Variants in DZIP1 observed in about 807,000 individuals in gnomAD.
DZIP1 encodes the protein DAZ interacting zinc finger protein 1, also known as cilium assembly protein DZIP1.
A neutral mutation model predicts 107.6 loss-of-function variants in DZIP1; 97 were observed. The ratio of observed to expected loss-of-function variants is 0.90; its 90% CI spans 0.77 to 1.07. The LOEUF (loss-of-function observed/expected upper bound fraction) is 1.07, where lower values mean the gene tolerates loss of function less well. DZIP1 is among the 50% of genes least tolerant of loss of function. DZIP1 has a pLI of 0.00. For synonymous variants in DZIP1, 390 were observed against 386.4 expected (o/e 1.01, Z -0.11); for missense variants, 1,035 against 1,063.6 (o/e 0.97, Z 0.37).
Position 95,641,778 on chromosome 13 carries a change from C to CGCGGCG in DZIP1, c.108_113dup (p.Ala37_Ala38dup). 1 of 1,539,098 alleles carries CGCGGCG rather than the reference C, an allele frequency of 6.5e-7. No individual in the cohort carries two copies. The highest frequency in any genetic ancestry group is 8.7e-7 in the Non-Finnish European group (1 of 1,154,894). Reference sequence around the variant, plus strand: ...GCGCACAGGCCATGGAGGCCGCACCCGCGGCGGCGGCGGCCACAGCGACGT... The same window carrying CGCGGCG: ...GCGCACAGGCCATGGAGGCCGCACCCGCGGCGGCGGCGGCGGCGGCCACAGCGACGT... On this transcript the variant is annotated inframe_insertion, in exon 5 of 23. Transcript: ENST00000376829. The surrounding 1 kb of genome is among the most constrained non-coding windows in gnomAD (Gnocchi z 4.3).
intron 16 of DZIP1, 91 bp downstream of exon 16, chr13:95,593,853 T>C: frequency 1.4e-6 from 2 of 1,454,418 alleles, no homozygotes; most frequent in South Asian, 2.9e-5. Context: ...TGGACAGAAT[T>C]GATGTGCTTT....
intron 15 of DZIP1, 61 bp from the exon 16 acceptor site, chr13:95,594,147 T>G: frequency 7.1e-7 from 1 of 1,400,986 alleles, no homozygotes; most frequent in Non-Finnish European, 9.7e-7. Context: ...CAAAAATCTC[T>G]AAGCAGAAAA....
chr13:95,605,979 G>A (rs201781521), intron 14 of DZIP1, 24 bp downstream of exon 14: 21 of 1,612,624 alleles, frequency 1.3e-5, no homozygotes, highest in Admixed American at 3.3e-5. Flanking sequence ...CACATAAAAC[G>A]CTGAGACTAT....
At chr13:95,599,339 G>A (rs993362980) in intron 15 of DZIP1, 26 bp downstream of exon 15, 2 of 1,605,110 alleles carry the variant, frequency 1.2e-6, no homozygotes, top group Non-Finnish European at 1.7e-6. Flanking sequence ...ATCTGTGCAG[G>A]TAAACCTGAT....
At chr13:95,634,170 T>C (rs1877527692) in intron 5 of DZIP1, among the ~76,000 whole-genome samples, 1 of 152,196 alleles carries the variant, frequency 6.6e-6, no homozygotes, top group Non-Finnish European at 1.5e-5. Flanking sequence ...TTTGCATTCA[T>C]TGTTGCCCCT....
At chr13:95,607,051 TA>T (rs1555308044) in intron 13 of DZIP1, among the ~76,000 whole-genome samples, 7 of 151,486 alleles carry the variant, frequency 4.6e-5, no homozygotes, top group African/African-American at 9.7e-5. Context: ...TTTTTTATTT[TA>T]TTTTTTTTTA....
intron 15 of DZIP1, among the ~76,000 whole-genome samples, chr13:95,597,230 C>T (rs2044480880): frequency 6.6e-6 from 1 of 152,178 alleles, no homozygotes; most frequent in Admixed American, 6.5e-5. Context: ...GGTGGACAAT[C>T]ATGATTCCTA....
chr13:95,584,492 A>C lies in DZIP1; in HGVS notation c.2524+244T>G, dbSNP rs1015852999. On this transcript the variant is annotated intron_variant, in intron 22 of 22. Transcript: ENST00000376829. ...CACCGTTTCAAAAACAAAAAATAAA[A>C]ATAAAAATAAATTAAAAATTTAAAG... 2.6e-5 allele frequency: 19 copies of C among 740,674 alleles called. No homozygotes were observed. The African/African-American group carries it at 3.4e-4, about 13-fold the overall frequency. The allele number at this position is 740,674 out of a possible 1,614,324, so 45.9% of individuals were successfully genotyped here. A position where few individuals can be genotyped will look rare whatever the true frequency, so the allele number is the denominator to read the frequency against.
rs1184983591 is a variant in DZIP1 at position 95,580,997 on chromosome 13, C to T, written c.*1237G>A. ...GGAAACAGATAAAGATTTGTTCTAA[C>T]CATTAGGACAGAATGTCATATGGCA... On this transcript the variant is annotated 3_prime_UTR_variant, in exon 23 of 23. Coordinates refer to ENST00000376829, the MANE Select transcript of DZIP1 (RefSeq NM_198968.4). 6.6e-6 allele frequency: 1 copy of T among 152,172 alleles called. No individual in the cohort carries two copies. The highest frequency in any genetic ancestry group is 1.5e-5 in the Non-Finnish European group (1 of 68,026). The allele number at this position is 152,172 out of a possible 1,614,324, so 9.4% of individuals were successfully genotyped here. A position where few individuals can be genotyped will look rare whatever the true frequency, so the allele number is the denominator to read the frequency against.
rs1412530720 is a variant in DZIP1, at chr13:95,590,305, A to G, written c.1817T>C (p.Ile606Thr). Residue 606 changes from isoleucine (I) to threonine (T), a missense_variant, in exon 17 of 23, where the codon ATT (isoleucine) becomes ACT (threonine). Physicochemically the swap from Ile to Thr is moderately conservative, Grantham distance 89. Transcript: ENST00000376829. ...TGAAGAGAGTAGTGCTTTCTCCTCA[A>G]TTTTACAGCTGACTTGATGTTCAAG... ...EFLEHQVSCK[I>T]EEKALLSSDQ... is the part of the protein sequence containing the mutation. 5.6e-6 allele frequency: 9 copies of G among 1,613,438 alleles called. No homozygotes were observed. The highest frequency in any genetic ancestry group is 7.6e-6 in the Non-Finnish European group (9 of 1,179,792).
chr13:95,611,730 C>CA (rs1359044610), intron 11 of DZIP1, among the ~76,000 whole-genome samples: 2 of 152,110 alleles, frequency 1.3e-5, no homozygotes, highest in Admixed American at 6.5e-5. Context: ...AATAAAATAA[C>CA]AAAAAATCTT....
intron 15 of DZIP1, 39 bp downstream of exon 15, chr13:95,599,326 A>T (rs2044546988): frequency 6.4e-7 from 1 of 1,571,232 alleles, no homozygotes; most frequent in Admixed American, 1.7e-5. Context: ...GCATATAAAT[A>T]TAATCTGTGC....
chr13:95,616,468 G>C (rs1875084653), intron 10 of DZIP1, among the ~76,000 whole-genome samples: 1 of 152,244 alleles, frequency 6.6e-6, no homozygotes, highest in African/African-American at 2.4e-5. Context: ...ATGCTGGGCA[G>C]ACAATGGAGA....
At position 95,632,903 on chromosome 13, in the gene DZIP1, G is replaced by A. The variant is rs138348660; in HGVS notation, c.685+331C>T. The stretch of plus-strand genomic sequence containing the variant: ...GTCACTCTCTACCCCATTGTCCTGC[G>A]CTATGATCTTCATCGCATTTGCCAC... On this transcript the variant is annotated intron_variant, in intron 6 of 22. Transcript: ENST00000376829. 1.7e-3 allele frequency among the ~76,000 whole-genome samples: 259 copies of A among 152,222 alleles called. 1 individual carries two copies. Among genetic ancestry groups the A allele is most frequent in the African/African-American group, 6.0e-3 (251 of 41,534 alleles).
chr13:95,600,884 T>G (rs138758853), intron 14 of DZIP1, among the ~76,000 whole-genome samples: 1,554 of 152,282 alleles, frequency 0.01, 28 homozygotes, highest in African/African-American at 0.035. Context: ...CTTTTCAAAT[T>G]TGTTATAGAG....
chr13:95,631,474 A>C (rs951194709), intron 6 of DZIP1, among the ~76,000 whole-genome samples: 2 of 152,030 alleles, frequency 1.3e-5, no homozygotes, highest in African/African-American at 4.8e-5. Flanking sequence ...CTCAAAAAAA[A>C]AAACAAAAAA....
intron 16 of DZIP1, among the ~76,000 whole-genome samples, chr13:95,593,157 C>T (rs1481942294): frequency 6.6e-6 from 1 of 152,174 alleles, no homozygotes; most frequent in Non-Finnish European, 1.5e-5. Context: ...CATACACAAT[C>T]ATCTATATAC....
intron 9 of DZIP1, among the ~76,000 whole-genome samples, chr13:95,621,677 T>A (rs895113039): frequency 1.4e-5 from 2 of 144,876 alleles, no homozygotes; most frequent in African/African-American, 5.3e-5. Context: ...TGTGTGTGTG[T>A]GTGTGTGTGT....
Position 95,581,470 on chromosome 13 carries a change from TAAAATAACCAACC to T in DZIP1, c.*751_*763del, listed in dbSNP as rs1227160453. On this transcript the variant is annotated 3_prime_UTR_variant, in exon 23 of 23. Transcript: ENST00000376829. ...TATCCAAGATAAAGAATATGCTATA[TAAAATAACCAACC>T]ATTTAATAGTAACATGCTTACAGTG... The T allele has an allele frequency of 1.2e-4, 18 of 152,394 alleles. No homozygotes were observed. Among genetic ancestry groups the T allele is most frequent in the African/African-American group, 4.1e-4 (17 of 41,458 alleles). The allele number at this position is 152,394 out of a possible 1,614,324, so 9.4% of individuals were successfully genotyped here. A position where few individuals can be genotyped will look rare whatever the true frequency, so the allele number is the denominator to read the frequency against.
Sources: gnomAD v4.1 joint callset for allele counts (sites outside exome capture counted in the v4.1 genomes callset) on GRCh38, gnomAD v4.1.1 for gene constraint, Gnocchi (gnomAD v3.1) non-coding constraint, MANE v1.5 for transcripts, NCBI Gene and HGNC (gene_info 2026-07-23, HGNC 2026-07-21) for gene names.